KMT2D: variants seen among roughly 807,000 people sequenced by gnomAD.
KMT2D encodes histone-lysine N-methyltransferase 2D.
KMT2D carries 55 observed loss-of-function variants against 512.7 expected under a neutral mutation model. The ratio of observed to expected loss-of-function variants is 0.11; its 90% CI spans 0.09 to 0.13. The LOEUF (loss-of-function observed/expected upper bound fraction) is 0.13. KMT2D is among the 10% of genes least tolerant of loss of function. KMT2D has a pLI of 1.00. For synonymous variants in KMT2D, 2,995 were observed against 2,904.0 expected, an observed-to-expected ratio of 1.03 and a Z score of -1.01; for missense variants, 6,061 against 7,127.9, an observed-to-expected ratio of 0.85 and a Z score of 5.39.
In KMT2D at chr12:49,044,652, T is replaced by A. The variant is rs1943702230; in HGVS notation, c.4963+92A>T. The stretch of plus-strand genomic sequence containing the variant: ...TAGACGAGACAGCAGTGCTTAAGGG[T>A]AACTGAGTGGCAATGTAGCCCCCAC... On this transcript the variant is annotated intron_variant, in intron 20 of 54. Transcript: ENST00000301067. This position sits in a 1 kb window ranked among gnomAD's most constrained non-coding sequence, Gnocchi z 6.4. 6.5e-7 allele frequency: 1 copy of A among 1,544,744 alleles called. No homozygotes were observed. The highest frequency in any genetic ancestry group is 1.4e-5 in the African/African-American group (1 of 73,482).
At position 49,042,101 on chromosome 12, in the gene KMT2D, G is replaced by A; in HGVS notation, c.6097C>T (p.Gln2033Ter). 6.2e-7 allele frequency: 1 copy of A among 1,613,722 alleles called. No homozygotes were observed. The highest frequency in any genetic ancestry group is 1.7e-5 in the Admixed American group (1 of 59,974). The change falls in exon 29 of 55, where the codon CAA becomes TAA. Residue 2033 changes from glutamine (Q) to a stop codon, truncating the protein, a stop_gained. Transcript: ENST00000301067. LOFTEE classifies it high-confidence loss of function. The surrounding 1 kb of genome is among the most constrained non-coding windows in gnomAD (Gnocchi z 4.4). ...YANINFPNLK[Q>*]DYPDWSSRCK... ...ATCCCACAGGTACCTGGGTAGTCTT[G>A]CTTGAGATTAGGAAAATTAATGTTG...
rs1356663323 is a variant in KMT2D, at chr12:49,049,183, A to T, written c.3942T>A (p.Pro1314=). Residue 1314 remains proline (P), a synonymous_variant, in exon 13 of 55, where the codon CCT becomes CCA. Coordinates refer to ENST00000301067, the MANE Select transcript of KMT2D (RefSeq NM_003482.4). ...CACGTCCTCCATGGGCTCCTCCACGAGGCCGGCGTCTTCCTGGGAAACTGC... is the reference window on the plus strand; with the variant it reads ...CACGTCCTCCATGGGCTCCTCCACGTGGCCGGCGTCTTCCTGGGAAACTGC... ...RSSSFPGRRR[P]RGGAHGGRGR... is the part of the protein sequence containing the mutation. The T allele has an allele frequency of 1.2e-6, 2 of 1,609,026 alleles. No homozygotes were observed. The highest frequency in any genetic ancestry group is 1.7e-6 in the Non-Finnish European group (2 of 1,177,624).
At chr12:49,043,825 A>G (rs1943655367) in intron 23 of KMT2D, 43 bp from the exon 24 acceptor site, 2 of 1,613,772 alleles carry the variant, frequency 1.2e-6, no homozygotes, top group Admixed American at 3.3e-5. Context: ...CATGCCCTGC[A>G]GGGCACAGAC....
chr12:49,050,967 G>A lies in KMT2D; in HGVS notation c.2716C>T (p.Pro906Ser), dbSNP rs781584726. The change falls in exon 11 of 55, where the codon CCA becomes TCA. Residue 906 changes from proline (P) to serine (S), a missense_variant. By Grantham distance (74) the Pro-to-Ser change is moderately conservative (BLOSUM62 -1). Around this residue, in one of 16 missense-constraint regions of KMT2D, gnomAD observed 848 missense variants for 838.5 expected, o/e 1.01. Transcript: ENST00000301067. ...TCCTCGGGCAGAGGGGACAGAGGTG[G>A]TTCCCCAGGCTCAGACAGGGCTGGC... ...GEPALSEPGE[P>S]PLSPLPEELP... The A allele has an allele frequency of 6.4e-7, 1 of 1,560,682 alleles. No homozygotes were observed. Among genetic ancestry groups the A allele is most frequent in the Non-Finnish European group, 8.7e-7 (1 of 1,154,726 alleles).
intron 51 of KMT2D, among the ~76,000 whole-genome samples, chr12:49,023,411 C>T (rs770306439): frequency 1.3e-5 from 2 of 152,168 alleles, no homozygotes; most frequent in Admixed American, 6.5e-5. Context: ...ATCCTTTCTT[C>T]GGACTGTCCC....
At chr12:49,031,054 G>C (rs1381909253) in intron 40 of KMT2D, 21 bp from the exon 41 acceptor site, 1 of 1,613,404 alleles carries the variant, frequency 6.2e-7, no homozygotes, top group Non-Finnish European at 8.5e-7. Flanking sequence ...TAAGCCCATT[G>C]AAGGCTGCTA....
At position 49,037,872 on chromosome 12, in the gene KMT2D, C is replaced by T. The variant is rs1258662869; in HGVS notation, c.9484G>A (p.Gly3162Ser). 1.3e-6 allele frequency: 2 copies of T among 1,597,582 alleles called. No individual in the cohort carries two copies. The highest frequency in any genetic ancestry group is 1.7e-6 in the Non-Finnish European group (2 of 1,172,224). The change falls in exon 35 of 55, where the codon GGC becomes AGC. Residue 3162 changes from glycine to serine, a missense_variant. Gly to Ser is a moderately conservative substitution (Grantham distance 56). This residue lies in a region of KMT2D where 533 missense variants were observed against 539.6 expected (regional missense o/e 0.99). Coordinates refer to ENST00000301067, the MANE Select transcript of KMT2D (RefSeq NM_003482.4). The part of the protein sequence containing the change: ...LGLKPGQSMM[G>S]SRDTRMGTGP... The stretch of plus-strand genomic sequence containing the variant: ...GTGCCCATCCGGGTATCCCGGCTGC[C>T]CATCATGCTCTGTCCTGGCTTTAGC...
In KMT2D at chr12:49,031,695, G is replaced by C. The variant is rs369802222; in HGVS notation, c.13010C>G (p.Pro4337Arg). 2.9e-5 allele frequency: 46 copies of C among 1,612,420 alleles called. No individual in the cohort carries two copies. The African/African-American group carries it at 4.7e-4, about 16-fold the overall frequency. The change falls in exon 40 of 55, where the codon CCT (proline) becomes CGT (arginine). Residue 4337 changes from proline (P) to arginine (R), a missense_variant. Physicochemically the swap from Pro to Arg is moderately radical, Grantham distance 103 (BLOSUM62 -2). Coordinates refer to ENST00000301067, the MANE Select transcript of KMT2D (RefSeq NM_003482.4). ...SSQLPTEAQL[P>R]PTHPGTPKPQ... ...TTTGGGGGTCCCTGGATGGGTGGGA[G>C]GGAGCTGGGCCTCAGTGGGAAGCTG...
chr12:49,045,089 A>C, intron 19 of KMT2D, 124 bp from the exon 20 acceptor site: 1 of 892,426 alleles, frequency 1.1e-6, no homozygotes, highest in Non-Finnish European at 1.8e-6. Flanking sequence ...TAGGGTCTAA[A>C]TGCTGAGGAG....
rs1171117495 is a variant in KMT2D, at chr12:49,024,243, GA to G, written c.16052+334del. On this transcript the variant is annotated intron_variant, in intron 51 of 54. Coordinates refer to ENST00000301067, the MANE Select transcript of KMT2D (RefSeq NM_003482.4). This position sits in a 1 kb window ranked among gnomAD's most constrained non-coding sequence, Gnocchi z 4.5. ...CACCCATGGGGTATCTGAGGTTTGG[GA>G]GAATCACAGGCCCTCCCCCAGAAGT... The G allele has an allele frequency of 7.2e-5, 29 of 403,650 alleles. No individual in the cohort carries two copies. The highest frequency in any genetic ancestry group is 8.3e-5 in the Non-Finnish European group (18 of 217,136). The allele number at this position is 403,650 out of a possible 1,614,324, so 25.0% of individuals were successfully genotyped here.
intron 35 of KMT2D, 48 bp downstream of exon 35, chr12:49,037,076 TA>T: frequency 6.6e-7 from 1 of 1,521,452 alleles, no homozygotes; most frequent in Non-Finnish European, 8.8e-7. Context: ...CATTTAGGGA[TA>T]ACAATAATCA....
At chr12:49,055,409 G>A (rs2120719655) in intron 1 of KMT2D, 48 bp from the exon 2 acceptor site, 2 of 1,308,334 alleles carry the variant, frequency 1.5e-6, no homozygotes, top group Admixed American at 2.2e-5. Flanking sequence ...GTCTTCCCAA[G>A]AAGCATTTTT....
At chr12:49,055,940 C>G (rs1260453710) in intron 1 of KMT2D, among the ~76,000 whole-genome samples, 1 of 152,200 alleles carries the variant, frequency 6.6e-6, no homozygotes, top group South Asian at 2.1e-4. Context: ...GAGGACATCA[C>G]CATTACAAAA....
In KMT2D at chr12:49,051,460, C is replaced by T. The variant is rs374923646; in HGVS notation, c.2223G>A (p.Pro741=). 2.2e-5 allele frequency: 36 copies of T among 1,612,678 alleles called. No homozygotes were observed. The African/African-American group carries it at 2.5e-4, about 11-fold the overall frequency. The change falls in exon 11 of 55, where the codon CCG becomes CCA. Residue 741 remains proline (P), a synonymous_variant. Coordinates refer to ENST00000301067, the MANE Select transcript of KMT2D (RefSeq NM_003482.4). Reference sequence around the variant, plus strand: ...GCTCCTCAGGCCGGGGTGACAGGTGCGGCCCCTCGGACCGGGGGCAGAGTT... The same window carrying T: ...GCTCCTCAGGCCGGGGTGACAGGTGTGGCCCCTCGGACCGGGGGCAGAGTT... ...EPQLCPRSEG[P]HLSPRPEEPH...
chr12:49,026,112 C>T lies in KMT2D; in HGVS notation c.15784+70G>A, dbSNP rs2137714302. The T allele has an allele frequency of 1.4e-6, 2 of 1,417,630 alleles. No individual in the cohort carries two copies. Among genetic ancestry groups the T allele is most frequent in the Non-Finnish European group, 1.9e-6 (2 of 1,045,814 alleles). The allele number at this position is 1,417,630 out of a possible 1,614,324, so 87.8% of individuals were successfully genotyped here. On this transcript the variant is annotated intron_variant, in intron 49 of 54. Transcript: ENST00000301067. The surrounding 1 kb of genome is among the most constrained non-coding windows in gnomAD (Gnocchi z 9.6). ...TAGAAGCTACAGGTCCTCTTATAGA[C>T]ATTGTAACAGTGACCCTGGGAGAAA...
Position 49,024,742 on chromosome 12 carries a change from G to GT in KMT2D, c.15922-35dup. Reference sequence around the variant, plus strand: ...ACAGTTCATACTCACCTTAGCCTGAGTTTTTTTGGGGTTAGGCCAAAGTTC... The same window carrying GT: ...ACAGTTCATACTCACCTTAGCCTGAGTTTTTTTTGGGGTTAGGCCAAAGTTC... On this transcript the variant is annotated intron_variant, in intron 50 of 54. Transcript: ENST00000301067. This position sits in a 1 kb window ranked among gnomAD's most constrained non-coding sequence, Gnocchi z 4.5. The GT allele has an allele frequency of 1.9e-6, 3 of 1,609,286 alleles. No individual in the cohort carries two copies. Among genetic ancestry groups the GT allele is most frequent in the East Asian group, 4.5e-5 (2 of 44,770 alleles).
Position 49,040,380 on chromosome 12 carries a change from C to T in KMT2D, c.7390G>A (p.Ala2464Thr), listed in dbSNP as rs1205815044. The change falls in exon 32 of 55, where the codon GCC becomes ACC. Residue 2464 changes from alanine to threonine, a missense_variant. Ala to Thr is a moderately conservative substitution (Grantham distance 58). This residue lies in a region of KMT2D where 710 missense variants were observed against 647.3 expected (regional missense o/e 1.10). Coordinates refer to ENST00000301067, the MANE Select transcript of KMT2D (RefSeq NM_003482.4). ...GGTCGGGGTGGCTTATGCAATGGGG[C>T]AAATGGGTCACGGGACTGAGGGCGT... ...PSRPQSRDPF[A>T]PLHKPPRPQP... is the part of the protein sequence containing the mutation. 6.4e-6 allele frequency: 10 copies of T among 1,565,778 alleles called. No individual in the cohort carries two copies. The highest frequency in any genetic ancestry group is 1.7e-4 in the Middle Eastern group (1 of 5,838).
chr12:49,041,308 G>T lies in KMT2D; in HGVS notation c.6462C>A (p.Asp2154Glu). 6.5e-7 allele frequency: 1 copy of T among 1,534,468 alleles called. No individual in the cohort carries two copies. Among genetic ancestry groups the T allele is most frequent in the Non-Finnish European group, 8.7e-7 (1 of 1,143,600 alleles). The change falls in exon 32 of 55, where the codon GAC (aspartate) becomes GAA (glutamate). Residue 2154 changes from aspartate (D) to glutamate (E), a missense_variant. Coordinates refer to ENST00000301067, the MANE Select transcript of KMT2D (RefSeq NM_003482.4). This position sits in a 1 kb window ranked among gnomAD's most constrained non-coding sequence, Gnocchi z 5.4. ...GCTTGAGGAAGAGCTCACCAGGCGA[G>T]TCAGGGCCAGGCACCGAGCCCGCCG... Reference protein sequence around the residue: ...KPPAGSVPGPDSPGELFLKLP... With the variant: ...KPPAGSVPGPESPGELFLKLP...
intron 43 of KMT2D, 111 bp from the exon 44 acceptor site, chr12:49,029,587 G>T (rs1181044282): frequency 2.6e-6 from 2 of 761,804 alleles, no homozygotes; most frequent in Non-Finnish European, 4.4e-6. Context: ...ATCATGATTA[G>T]CTGTCCTCCC....
Sources: allele counts gnomAD v4.1 joint callset (sites outside exome capture counted in the v4.1 genomes callset), GRCh38; gene constraint gnomAD v4.1.1; regional missense constraint gnomAD v4.1.1; non-coding constraint Gnocchi (gnomAD v3.1); transcripts MANE v1.5; gene names NCBI Gene and HGNC (gene_info 2026-07-23, HGNC 2026-07-21).